Variants in DPYSL4 observed in about 807,000 individuals in gnomAD.
The protein encoded by DPYSL4 is dihydropyrimidinase-related protein 4.
Under a neutral mutation model 63.4 loss-of-function variants are expected in DPYSL4, and 43 were observed. That is an observed-to-expected ratio of 0.68 (90% CI 0.53 to 0.88). DPYSL4 has a LOEUF of 0.88. Among genes scored for constraint, DPYSL4 ranks in the 40% least tolerant of loss-of-function variants. The probability of loss-of-function intolerance (pLI) is 0.00; values close to 1 mark genes in which losing one functional copy is unlikely to be tolerated. For synonymous variants in DPYSL4, 353 were observed against 331.7 expected, an observed-to-expected ratio of 1.06 and a Z score of -0.70; for missense variants, 733 against 819.5, an observed-to-expected ratio of 0.89 and a Z score of 1.29.
chr10:132,195,809 T>C (rs1183644665), intron 4 of DPYSL4, among the ~76,000 whole-genome samples: 1 of 152,206 alleles, frequency 6.6e-6, no homozygotes, highest in Non-Finnish European at 1.5e-5. Context: ...CTGCCACCCA[T>C]GCTGTTCTGT....
chr10:132,194,787 GGC>G, intron 3 of DPYSL4, 56 bp from the exon 4 acceptor site: 1 of 1,583,890 alleles, frequency 6.3e-7, no homozygotes, highest in Non-Finnish European at 8.6e-7. Context: ...CCATGGAGGA[GGC>G]AGAGGTGGGA....
chr10:132,201,827 C>A, intron 10 of DPYSL4, 119 bp from the exon 11 acceptor site: 1 of 1,128,168 alleles, frequency 8.9e-7, no homozygotes, highest in Non-Finnish European at 1.2e-6. Flanking sequence ...TCTGTCCTCA[C>A]GGGGGCCTGG....
chr10:132,200,400 G>A lies in DPYSL4; in HGVS notation c.856G>A (p.Asp286Asn), dbSNP rs145582956. The change falls in exon 9 of 14, where the codon GAC becomes AAC. Residue 286 changes from aspartate to asparagine, a missense_variant. Coordinates refer to ENST00000338492, the MANE Select transcript of DPYSL4 (RefSeq NM_006426.3). The stretch of plus-strand genomic sequence containing the variant: ...GCCCATCACCGCCAGCCTGGGCACC[G>A]ACGGTTCACACTACTGGAGCAAGAA... ...GEPITASLGTDGSHYWSKNWA... is the reference protein window; with the variant it reads ...GEPITASLGTNGSHYWSKNWA... 138 of 1,613,508 alleles carry A rather than the reference G, an allele frequency of 8.6e-5. 1 individual carries two copies. The East Asian group carries it at 1.2e-3, about 14-fold the overall frequency.
At chr10:132,194,679 G>A (rs545186758) in intron 3 of DPYSL4, among the ~76,000 whole-genome samples, 166 bp from the exon 4 acceptor site, 8 of 152,208 alleles carry the variant, frequency 5.3e-5, no homozygotes, top group Non-Finnish European at 1.2e-4. Context: ...CAATAGAACG[G>A]GTTCGTGGCA....
intron 7 of DPYSL4, 29 bp downstream of exon 7, chr10:132,198,512 C>T (rs373140345): frequency 7.0e-6 from 11 of 1,574,698 alleles, no homozygotes; most frequent in Non-Finnish European, 9.5e-6. Context: ...ACAGCACACC[C>T]GAGCCAACTC....
chr10:132,192,694 CA>C lies in DPYSL4; in HGVS notation c.167del (p.Lys56ArgfsTer8). 1.2e-6 allele frequency: 2 copies of C among 1,612,780 alleles called. No individual in the cohort carries two copies. Among genetic ancestry groups the C allele is most frequent in the South Asian group, 1.1e-5 (1 of 90,970 alleles). On this transcript the variant is annotated frameshift_variant, in exon 3 of 14. Coordinates refer to ENST00000338492, the MANE Select transcript of DPYSL4 (RefSeq NM_006426.3). LOFTEE classifies it high-confidence loss of function. The part of the protein sequence containing the change: ...GENLIVPGGI[K>X]TIDAHGLMVL... ...AAAACCTCATCGTCCCTGGGGGCAT[CA>C]AGACCATTGACGCCCACGGCCTGAT...
chr10:132,192,279 G>A lies in DPYSL4; in HGVS notation c.129-379G>A, dbSNP rs1180598524. Reference sequence around the variant, plus strand: ...CAGCTTCCACGTTTCTTTGTTCATCGCAGCACTTAGTATGGTGCCTGGCTC... The same window carrying A: ...CAGCTTCCACGTTTCTTTGTTCATCACAGCACTTAGTATGGTGCCTGGCTC... On this transcript the variant is annotated intron_variant, in intron 2 of 13. Coordinates refer to ENST00000338492, the MANE Select transcript of DPYSL4 (RefSeq NM_006426.3). 7.1e-6 allele frequency: 7 copies of A among 982,874 alleles called. No homozygotes were observed. In the East Asian group the frequency reaches 3.3e-4, roughly 47 times the overall value. 60.9% of individuals were successfully genotyped at this position (982,874 alleles called of 1,614,324 possible).
rs2062080364 is a variant in DPYSL4 at position 132,205,184 on chromosome 10, C to G, written c.*254C>G. ...GTGGAGCCACATGGCAGGGACAATGCCGGCAGCCTGAGCCCAGGCACCCCA... is the reference window on the plus strand; with the variant it reads ...GTGGAGCCACATGGCAGGGACAATGGCGGCAGCCTGAGCCCAGGCACCCCA... On this transcript the variant is annotated 3_prime_UTR_variant, in exon 14 of 14. Transcript: ENST00000338492. 1 of 337,782 alleles carries G rather than the reference C, an allele frequency of 3.0e-6. No homozygotes were observed. The highest frequency in any genetic ancestry group is 1.2e-4 in the South Asian group (1 of 8,360). 20.9% of individuals were successfully genotyped at this position (337,782 alleles called of 1,614,324 possible). A position where few individuals can be genotyped will look rare whatever the true frequency, so the allele number is the denominator to read the frequency against.
At chr10:132,187,740 G>A (rs2061823285) in intron 1 of DPYSL4, among the ~76,000 whole-genome samples, 1 of 152,252 alleles carries the variant, frequency 6.6e-6, no homozygotes, top group Non-Finnish European at 1.5e-5. Flanking sequence ...AGGGCCACTG[G>A]CCGGGAACCC....
At chr10:132,187,554 T>C (rs1362176696) in intron 1 of DPYSL4, among the ~76,000 whole-genome samples, 1 of 152,048 alleles carries the variant, frequency 6.6e-6, no homozygotes, top group East Asian at 1.9e-4. Flanking sequence ...CGCGGGGAGA[T>C]GCCGTTCCCG....
rs1415321361 is a variant in DPYSL4 at position 132,191,430 on chromosome 10, C to T, written c.128+595C>T. Among the ~76,000 whole-genome samples, 11 of 121,394 alleles carry T rather than the reference C, an allele frequency of 9.1e-5. 1 individual carries two copies. Among genetic ancestry groups the T allele is most frequent in the African/African-American group, 2.4e-4 (8 of 33,152 alleles). 79.6% of individuals were successfully genotyped at this position (121,394 alleles called of 152,430 possible). A position where few individuals can be genotyped will look rare whatever the true frequency, so the allele number is the denominator to read the frequency against. ...AAATAGTTCCCAGCTCGTGTGTACACGCTGGTCATGTGGTATCCAGGCAGA... is the reference window on the plus strand; with the variant it reads ...AAATAGTTCCCAGCTCGTGTGTACATGCTGGTCATGTGGTATCCAGGCAGA... On this transcript the variant is annotated intron_variant, in intron 2 of 13. Transcript: ENST00000338492.
chr10:132,204,966 C>A lies in DPYSL4; in HGVS notation c.*36C>A. The A allele has an allele frequency of 6.4e-7, 1 of 1,551,230 alleles. No individual in the cohort carries two copies. The highest frequency in any genetic ancestry group is 8.7e-7 in the Non-Finnish European group (1 of 1,147,034). On this transcript the variant is annotated 3_prime_UTR_variant, in exon 14 of 14. Coordinates refer to ENST00000338492, the MANE Select transcript of DPYSL4 (RefSeq NM_006426.3). ...CCGGCCCTGTGAGCCGTGCTGGCCC[C>A]ACCCGAGGCCGCGGGGGCCCCAGGG... is the stretch of plus-strand genomic sequence containing the variant.
At chr10:132,201,232 C>T (rs1354889768) in intron 10 of DPYSL4, among the ~76,000 whole-genome samples, 3 of 152,122 alleles carry the variant, frequency 2.0e-5, no homozygotes, top group African/African-American at 7.2e-5. Flanking sequence ...CTAGTGTTGC[C>T]CGGACACTGT....
Position 132,203,797 on chromosome 10 carries a change from T to C in DPYSL4, c.1497T>C (p.Tyr499=), listed in dbSNP as rs768241775. Residue 499 remains tyrosine (Y), a synonymous_variant, in exon 13 of 14, where the codon TAT becomes TAC. Coordinates refer to ENST00000338492, the MANE Select transcript of DPYSL4 (RefSeq NM_006426.3). ...TCCACGGTGTGCCCCGTGGACTGTA[T>C]GACGGGCCCGTCCACGAGGTGATGG... is the stretch of plus-strand genomic sequence containing the variant. ...AEIHGVPRGL[Y]DGPVHEVMVP... 1.2e-5 allele frequency: 20 copies of C among 1,612,174 alleles called. No individual in the cohort carries two copies. The highest frequency in any genetic ancestry group is 1.0e-5 in the Non-Finnish European group (12 of 1,179,550).
rs770274679 is a variant in DPYSL4 at position 132,187,056 on chromosome 10, G to T, written c.-8G>T. The T allele has an allele frequency of 2.4e-6, 3 of 1,231,018 alleles. 1 individual carries two copies. The South Asian group carries it at 4.2e-5, about 17-fold the overall frequency. 76.3% of individuals were successfully genotyped at this position (1,231,018 alleles called of 1,614,324 possible). A position where few individuals can be genotyped will look rare whatever the true frequency, so the allele number is the denominator to read the frequency against. On this transcript the variant is annotated 5_prime_UTR_variant, in exon 1 of 14. In the 5' UTR this introduces an upstream ATG that the reference lacks. Coordinates refer to ENST00000338492, the MANE Select transcript of DPYSL4 (RefSeq NM_006426.3). Reference sequence around the variant, plus strand: ...GTGCCGCCCCTACCAGAGACCCCCAGGAGCAGGATGTCCTTCCAGGGCAAG... The same window carrying T: ...GTGCCGCCCCTACCAGAGACCCCCATGAGCAGGATGTCCTTCCAGGGCAAG...
At position 132,202,079 on chromosome 10, in the gene DPYSL4, A is replaced by G. The variant is rs140348545; in HGVS notation, c.1244A>G (p.Lys415Arg). 3.1e-5 allele frequency: 50 copies of G among 1,612,958 alleles called. No individual in the cohort carries two copies. The highest frequency in any genetic ancestry group is 4.0e-5 in the Non-Finnish European group (47 of 1,179,918). ...SDADLVIWNP[K>R]ATKIISAKTH... is the part of the protein sequence containing the mutation. ...GCTGACCTGGTCATATGGAACCCCA[A>G]GGCCACCAAGATCATCTCTGCCAAG... is the stretch of plus-strand genomic sequence containing the variant. Residue 415 changes from lysine to arginine, a missense_variant, in exon 11 of 14, where the codon AAG becomes AGG. By Grantham distance (26) the Lys-to-Arg change is conservative. Coordinates refer to ENST00000338492, the MANE Select transcript of DPYSL4 (RefSeq NM_006426.3).
At position 132,194,920 on chromosome 10, in the gene DPYSL4, C is replaced by T. The variant is rs752975196; in HGVS notation, c.389C>T (p.Ala130Val). The T allele has an allele frequency of 1.2e-5, 20 of 1,612,296 alleles. No homozygotes were observed. The highest frequency in any genetic ancestry group is 5.3e-5 in the African/African-American group (4 of 74,904). Reference sequence around the variant, plus strand: ...CAGTGGCGGGAGCGGGCGGACAGCGCGGCCTGCTGCGACTACTCCCTGCAC... The same window carrying T: ...CAGTGGCGGGAGCGGGCGGACAGCGTGGCCTGCTGCGACTACTCCCTGCAC... ...YEQWRERADS[A>V]ACCDYSLHVD... is the part of the protein sequence containing the mutation. Residue 130 changes from alanine (A) to valine (V), a missense_variant, in exon 4 of 14, where the codon GCG (alanine) becomes GTG (valine). Transcript: ENST00000338492.
intron 1 of DPYSL4, among the ~76,000 whole-genome samples, chr10:132,188,263 G>A (rs1314510257): frequency 6.6e-6 from 1 of 152,190 alleles, no homozygotes; most frequent in African/African-American, 2.4e-5. Flanking sequence ...GCAGTAAGAA[G>A]AGCACAGCCC....
chr10:132,195,109 G>A (rs1328170146), intron 4 of DPYSL4, 100 bp downstream of exon 4: 1 of 1,373,296 alleles, frequency 7.3e-7, no homozygotes, highest in Non-Finnish European at 9.7e-7. Context: ...CTGCCCTGGG[G>A]GCTGGTGTCC....
Sources: allele counts gnomAD v4.1 joint callset (sites outside exome capture counted in the v4.1 genomes callset), GRCh38; gene constraint gnomAD v4.1.1; transcripts MANE v1.5; gene names NCBI Gene and HGNC (gene_info 2026-07-23, HGNC 2026-07-21).